The following HDAC4 variants were observed in gnomAD, a reference collection of about 807,000 sequenced individuals.
HDAC4 encodes the protein histone deacetylase 4, also known as histone deacetylase A.
HDAC4 carries 16 observed loss-of-function variants against 135.1 expected under a neutral mutation model. That is an observed-to-expected ratio of 0.12 (90% CI 0.08 to 0.18). HDAC4 has a LOEUF of 0.18. HDAC4 is among the 10% of genes least tolerant of loss of function. The pLI is 1.00. For synonymous variants in HDAC4, 685 were observed against 653.4 expected (o/e 1.05, Z -0.74); for missense variants, 1,143 against 1,511.8 (o/e 0.76, Z 4.05).
At chr2:239,187,780 G>A (rs190033341) in intron 4 of HDAC4, among the ~76,000 whole-genome samples, 7 of 152,320 alleles carry the variant, frequency 4.6e-5, no homozygotes, top group Admixed American at 2.6e-4. Flanking sequence ...AAACTCGAGT[G>A]TGCTTGTTAA....
At chr2:239,325,017 G>T (rs1482979994) in intron 2 of HDAC4, among the ~76,000 whole-genome samples, 1 of 152,148 alleles carries the variant, frequency 6.6e-6, no homozygotes, top group Non-Finnish European at 1.5e-5. Context: ...AACAAATGGT[G>T]CTGGACCATC....
In HDAC4 at chr2:239,245,181, C is replaced by A. The variant is rs1242271504; in HGVS notation, c.23-8517G>T. ...GGCAGTCTTAAAATGTCAAGGATAA[C>A]CTAAGAAGTATTCCTGTTGTCTCTC... On this transcript the variant is annotated intron_variant, in intron 2 of 26. Coordinates refer to ENST00000543185, the MANE Select transcript of HDAC4 (RefSeq NM_001378414.1). The surrounding 1 kb of genome is among the most constrained non-coding windows in gnomAD (Gnocchi z 4.4). Among the ~76,000 whole-genome samples, 1 of 152,094 alleles carries A rather than the reference C, an allele frequency of 6.6e-6. No individual in the cohort carries two copies. Among genetic ancestry groups the A allele is most frequent in the African/African-American group, 2.4e-5 (1 of 41,396 alleles).
rs542021375 is a variant in HDAC4, at chr2:239,215,683, C to T, written c.94+20910G>A. Among the ~76,000 whole-genome samples the T allele has an allele frequency of 2.0e-5, 3 of 152,278 alleles. No homozygotes were observed. The South Asian group carries it at 6.2e-4, about 32-fold the overall frequency. On this transcript the variant is annotated intron_variant, in intron 3 of 26. Coordinates refer to ENST00000543185, the MANE Select transcript of HDAC4 (RefSeq NM_001378414.1). ...TCTAATCTCCAGACAGCAGACACCC[C>T]TTCCCCACTAACCAAAACAGAAACA...
chr2:239,083,543 G>C (rs889514708), intron 20 of HDAC4, among the ~76,000 whole-genome samples: 1 of 152,156 alleles, frequency 6.6e-6, no homozygotes, highest in Non-Finnish European at 1.5e-5. Context: ...AAATACCAAA[G>C]AGAACACTAA....
chr2:239,254,909 G>T (rs570937856), intron 2 of HDAC4, among the ~76,000 whole-genome samples: 1 of 152,344 alleles, frequency 6.6e-6, no homozygotes, highest in South Asian at 2.1e-4. Context: ...AAAGTTAGAT[G>T]ATCTAAGAAC....
At chr2:239,073,505 T>C (rs2034413338) in intron 22 of HDAC4, among the ~76,000 whole-genome samples, 1 of 152,268 alleles carries the variant, frequency 6.6e-6, no homozygotes, top group African/African-American at 2.4e-5. Flanking sequence ...CGAGCGTCCC[T>C]GTGCTCTGAT....
At chr2:239,136,658 C>G (rs1005316585) in intron 9 of HDAC4, among the ~76,000 whole-genome samples, 5 of 152,186 alleles carry the variant, frequency 3.3e-5, no homozygotes, top group African/African-American at 1.2e-4. Context: ...GGAGCAGTAT[C>G]CAGAACATGC....
At chr2:239,201,543 G>A (rs1421889923) in intron 3 of HDAC4, among the ~76,000 whole-genome samples, 2 of 152,134 alleles carry the variant, frequency 1.3e-5, no homozygotes, top group Non-Finnish European at 2.9e-5. Flanking sequence ...ACAGCTCTCC[G>A]TGAATAAAGT....
At chr2:239,298,187 C>T (rs2052027463) in intron 2 of HDAC4, 1 of 1,287,954 alleles carries the variant, frequency 7.8e-7, no homozygotes, top group African/African-American at 1.5e-5. Flanking sequence ...TGACAGCAAG[C>T]TCAGGGAACA....
chr2:239,151,508 G>A (rs2042116838), intron 7 of HDAC4, among the ~76,000 whole-genome samples: 1 of 152,230 alleles, frequency 6.6e-6, no homozygotes, highest in Non-Finnish European at 1.5e-5. Context: ...GTTTCAGAAG[G>A]CCCCAGGTGA....
chr2:239,311,220 C>T (rs1422065765), intron 2 of HDAC4, among the ~76,000 whole-genome samples: 5 of 152,152 alleles, frequency 3.3e-5, no homozygotes, highest in African/African-American at 4.8e-5. Context: ...GCCAGGGGGA[C>T]GGCCTGGCCC....
intron 1 of HDAC4, among the ~76,000 whole-genome samples, chr2:239,379,501 T>C (rs1695264327): frequency 6.6e-6 from 1 of 152,104 alleles, no homozygotes; most frequent in South Asian, 2.1e-4. Flanking sequence ...TGCTCCTTCT[T>C]ACCCAAGGAG....
In HDAC4 at chr2:239,309,012, C is replaced by T. The variant is rs1206598501; in HGVS notation, c.22+43666G>A. The T allele has an allele frequency of 6.6e-6, 1 of 152,154 alleles. No individual in the cohort carries two copies. The highest frequency in any genetic ancestry group is 6.5e-5 in the Admixed American group (1 of 15,274). 9.4% of individuals were successfully genotyped at this position (152,154 alleles called of 1,614,324 possible). On this transcript the variant is annotated intron_variant, in intron 2 of 26. Coordinates refer to ENST00000543185, the MANE Select transcript of HDAC4 (RefSeq NM_001378414.1). This position sits in a 1 kb window ranked among gnomAD's most constrained non-coding sequence, Gnocchi z 4.2. ...CGCCGGCTCGCTGGAAGACACTGAG[C>T]AGTTACATAACAGCACAGAAAATCC...
intron 4 of HDAC4, 111 bp downstream of exon 4, chr2:239,189,722 C>A: frequency 1.0e-6 from 1 of 1,003,262 alleles, no homozygotes; most frequent in South Asian, 1.4e-5. Flanking sequence ...CCTGCAGGAA[C>A]CCTGCATCAT....
intron 18 of HDAC4, chr2:239,089,772 G>A (rs1014185030): frequency 1.9e-4 from 102 of 544,630 alleles, no homozygotes; most frequent in Middle Eastern, 1.5e-3. Flanking sequence ...GAGTATAAAG[G>A]GTTCTTAAGA....
intron 12 of HDAC4, among the ~76,000 whole-genome samples, chr2:239,118,993 G>T (rs2039391667): frequency 6.6e-6 from 1 of 152,170 alleles, no homozygotes; most frequent in Non-Finnish European, 1.5e-5. Context: ...TGTGAGCAGG[G>T]GTGCCAGGTG....
At chr2:239,271,604 C>T (rs931252009) in intron 2 of HDAC4, among the ~76,000 whole-genome samples, 3 of 152,168 alleles carry the variant, frequency 2.0e-5, no homozygotes, top group African/African-American at 7.2e-5. Context: ...TGTGGATCTC[C>T]GGATTATCGG....
intron 2 of HDAC4, among the ~76,000 whole-genome samples, chr2:239,336,196 T>C (rs1327482230): frequency 6.6e-6 from 1 of 152,138 alleles, no homozygotes; most frequent in Non-Finnish European, 1.5e-5. Context: ...AGAGAAGTGG[T>C]ATCTAGAGGG....
rs770682312 is a variant in HDAC4 at position 239,331,537 on chromosome 2, C to T, written c.22+21141G>A. On this transcript the variant is annotated intron_variant, in intron 2 of 26. Transcript: ENST00000543185. This position sits in a 1 kb window ranked among gnomAD's most constrained non-coding sequence, Gnocchi z 4.5. ...CAAGCCTGGAAAGCAAGCTGGGACT[C>T]GTGAACTAAGCCGCCCAGATAGTGA... Among the ~76,000 whole-genome samples, 28 of 152,152 alleles carry T rather than the reference C, an allele frequency of 1.8e-4. No individual in the cohort carries two copies. Among genetic ancestry groups the T allele is most frequent in the Non-Finnish European group, 3.4e-4 (23 of 68,028 alleles).
Sources: gnomAD v4.1 joint callset for allele counts (sites outside exome capture counted in the v4.1 genomes callset) on GRCh38, gnomAD v4.1.1 for gene constraint, Gnocchi (gnomAD v3.1) non-coding constraint, MANE v1.5 for transcripts, NCBI Gene and HGNC (gene_info 2026-07-23, HGNC 2026-07-21) for gene names.